Variants in ELP6 observed in about 807,000 individuals in gnomAD.
ELP6 encodes the protein elongator complex protein 6.
ELP6 carries 23 observed loss-of-function variants against 28.1 expected under a neutral mutation model. The ratio of observed to expected loss-of-function variants is 0.82; its 90% confidence interval spans 0.59 to 1.16. ELP6 has a LOEUF of 1.16. ELP6 is among the 50% of genes most tolerant of loss of function. The pLI is 0.00. For missense variants in ELP6, 313 were observed against 334.6 expected, an observed-to-expected ratio of 0.94 and a Z score of 0.50; for synonymous variants, 132 against 135.8, an observed-to-expected ratio of 0.97 and a Z score of 0.19.
intron 3 of ELP6, among the ~76,000 whole-genome samples, chr3:47,507,937 G>A (rs1310385504): frequency 9.3e-6 from 1 of 107,034 alleles, no homozygotes; most frequent in Admixed American, 1.0e-4. Context: ...TCATTCAAAG[G>A]TAAAAGAAAA....
chr3:47,512,540 G>C, intron 1 of ELP6: 27 of 924,870 alleles, frequency 2.9e-5, no homozygotes, highest in Non-Finnish European at 3.4e-5. Flanking sequence ...GAGGGAGCGA[G>C]ACTCCATCAA....
At chr3:47,500,056 A>G in intron 5 of ELP6, 1 of 1,272,284 alleles carries the variant, frequency 7.9e-7, no homozygotes, top group African/African-American at 1.6e-5. Flanking sequence ...TGAGCAGAAA[A>G]CCCTCATCCC....
At chr3:47,507,262 G>A (rs916618977) in intron 3 of ELP6, among the ~76,000 whole-genome samples, 16 of 151,414 alleles carry the variant, frequency 1.1e-4, no homozygotes, top group African/African-American at 3.6e-4. Flanking sequence ...CTGGGAAACT[G>A]AGGCAGGAGA....
At chr3:47,511,332 A>C in intron 1 of ELP6, 106 bp from the exon 2 acceptor site, 2 of 1,461,822 alleles carry the variant, frequency 1.4e-6, no homozygotes, top group Non-Finnish European at 1.8e-6. Context: ...CCACCTGAAG[A>C]GTTTATTTTT....
At chr3:47,499,868 A>G in intron 5 of ELP6, 1 of 1,234,098 alleles carries the variant, frequency 8.1e-7, no homozygotes, top group South Asian at 1.5e-5. Flanking sequence ...ACTCCAGGAG[A>G]AGCTGCAGTG....
At chr3:47,504,006 A>G (rs1708750058) in intron 4 of ELP6, among the ~76,000 whole-genome samples, 1 of 152,250 alleles carries the variant, frequency 6.6e-6, no homozygotes, top group Non-Finnish European at 1.5e-5. Context: ...CCCATAGCCC[A>G]TAGTTTGCCA....
chr3:47,508,611 A>G (rs1291998061), intron 3 of ELP6, among the ~76,000 whole-genome samples: 1 of 152,168 alleles, frequency 6.6e-6, no homozygotes, highest in Admixed American at 6.6e-5. Flanking sequence ...GGTGGATTAC[A>G]ATAGCTGATT....
chr3:47,510,705 C>T (rs1041416980), intron 2 of ELP6, among the ~76,000 whole-genome samples: 8 of 152,202 alleles, frequency 5.3e-5, no homozygotes, highest in Admixed American at 3.9e-4. Flanking sequence ...GCTCATCCTC[C>T]CACCTGGGCC....
Position 47,498,302 on chromosome 3 carries a change from C to CTGCCCG in ELP6, c.655_656insCGGGCA (p.Cys218_Arg219insThrGly), listed in dbSNP as rs1559585864. The CTGCCCG allele has an allele frequency of 6.2e-7, 1 of 1,613,594 alleles. No homozygotes were observed. The highest frequency in any genetic ancestry group is 8.5e-7 in the Non-Finnish European group (1 of 1,180,040). On this transcript the variant is annotated inframe_insertion, in exon 6 of 7. Transcript: ENST00000296149. ...CCTGCATACCTGCCCGTGCACATCC[C>CTGCCCG]TGCAGAAGCCAGTGGCCAGGCCCTC...
At chr3:47,498,462 C>A (rs1249070515) in intron 5 of ELP6, 30 bp from the exon 6 acceptor site, 1 of 1,606,418 alleles carries the variant, frequency 6.2e-7, no homozygotes, top group Admixed American at 1.7e-5. Context: ...GAAGCCTGCT[C>A]CTTACTGGAA....
chr3:47,507,024 T>C (rs1467097322), intron 3 of ELP6, among the ~76,000 whole-genome samples: 1 of 152,006 alleles, frequency 6.6e-6, no homozygotes, highest in African/African-American at 2.4e-5. Context: ...ATATGGTTCA[T>C]GAACCACCAT....
At chr3:47,508,753 AT>A (rs1402043068) in intron 3 of ELP6, among the ~76,000 whole-genome samples, 12 of 116,776 alleles carry the variant, frequency 1.0e-4, no homozygotes, top group South Asian at 2.7e-4. Flanking sequence ...TCTCTGGGAG[AT>A]TTTTTTTTTC....
chr3:47,497,230 C>T (rs896531817), intron 6 of ELP6: 1 of 985,312 alleles, frequency 1.0e-6, no homozygotes, highest in Non-Finnish European at 1.2e-6. Context: ...CAGCTTCCCT[C>T]CCAGGGCAGG....
chr3:47,498,615 C>T, intron 5 of ELP6, 183 bp from the exon 6 acceptor site: 1 of 985,398 alleles, frequency 1.0e-6, no homozygotes, highest in South Asian at 4.7e-5. Flanking sequence ...TACTGGACAA[C>T]TTCACCCATA....
chr3:47,502,390 TG>T (rs1576341973), intron 4 of ELP6: 1 of 962,618 alleles, frequency 1.0e-6, no homozygotes, highest in East Asian at 1.2e-4. Context: ...CACTCCAACC[TG>T]GGCAACAAAA....
chr3:47,507,750 C>T (rs1435186477), intron 3 of ELP6, among the ~76,000 whole-genome samples: 2 of 152,090 alleles, frequency 1.3e-5, no homozygotes, highest in African/African-American at 4.8e-5. Context: ...CAACGTCCAA[C>T]ACCATTTGTT....
In ELP6 at chr3:47,504,381, A is replaced by C; in HGVS notation, c.272T>G (p.Val91Gly). 6.2e-7 allele frequency: 1 copy of C among 1,610,700 alleles called. No individual in the cohort carries two copies. The highest frequency in any genetic ancestry group is 1.1e-5 in the South Asian group (1 of 90,394). ...LVFLEGLKSA[V>G]DVVFQAQKEP... ...CTTTTGAGCCTGGAAGACGACGTCCACTGCAGACTTGAGTCCCTCAAGGAA... is the reference window on the plus strand; with the variant it reads ...CTTTTGAGCCTGGAAGACGACGTCCCCTGCAGACTTGAGTCCCTCAAGGAA... The change falls in exon 4 of 7, where the codon GTG (valine) becomes GGG (glycine). Residue 91 changes from valine (V) to glycine (G), a missense_variant. Coordinates refer to ENST00000296149, the MANE Select transcript of ELP6 (RefSeq NM_001031703.3).
chr3:47,508,765 CTTTTT>C (rs1218072845), intron 3 of ELP6, among the ~76,000 whole-genome samples: 1 of 132,206 alleles, frequency 7.6e-6, no homozygotes, highest in Non-Finnish European at 1.6e-5. Context: ...TTTTTTTTTC[CTTTTT>C]TTTTTTTTTT....
At chr3:47,509,865 G>A (rs1034058305) in intron 3 of ELP6, 4 of 176,634 alleles carry the variant, frequency 2.3e-5, no homozygotes, top group African/African-American at 7.1e-5. Flanking sequence ...GGGTTCAAGC[G>A]ATTTTCCTGC....
Sources: allele counts gnomAD v4.1 joint callset (sites outside exome capture counted in the v4.1 genomes callset), GRCh38; gene constraint gnomAD v4.1.1; transcripts MANE v1.5; gene names NCBI Gene and HGNC (gene_info 2026-07-23, HGNC 2026-07-21).